GBF1: variants seen among roughly 807,000 people sequenced by gnomAD.
The protein encoded by GBF1 is Golgi-specific brefeldin A-resistance guanine nucleotide exchange factor 1.
A neutral mutation model predicts 210.5 loss-of-function variants in GBF1; 114 were observed. The ratio of observed to expected loss-of-function variants is 0.54; its 90% CI spans 0.47 to 0.63. The LOEUF (loss-of-function observed/expected upper bound fraction) is 0.63, where lower values mean the gene tolerates loss of function less well. GBF1 is among the 30% of genes least tolerant of loss of function. The probability of loss-of-function intolerance (pLI) is 0.00; values close to 1 mark genes in which losing one functional copy is unlikely to be tolerated. For synonymous variants in GBF1, 850 were observed against 889.2 expected, an observed-to-expected ratio of 0.96 and a Z score of 0.78; for missense variants, 1,851 against 2,357.7, an observed-to-expected ratio of 0.79 and a Z score of 4.45.
intron 3 of GBF1, among the ~76,000 whole-genome samples, chr10:102,314,308 C>G (rs34673678): frequency 0.09 from 13,610 of 151,124 alleles, 774 homozygotes; most frequent in Non-Finnish European, 0.12. Flanking sequence ...CCACACCTGG[C>G]TAATTTTTAA....
intron 3 of GBF1, among the ~76,000 whole-genome samples, chr10:102,286,209 T>G (rs1049820333): frequency 6.6e-5 from 10 of 151,924 alleles, no homozygotes; most frequent in African/African-American, 9.7e-5. Context: ...TTTTTTTTTT[T>G]TTTTTTTTCT....
At chr10:102,353,774 C>T in intron 8 of GBF1, 120 bp downstream of exon 8, 1 of 696,702 alleles carries the variant, frequency 1.4e-6, no homozygotes, top group Non-Finnish European at 2.6e-6. Context: ...TGCTTGGAAT[C>T]TAGAAGTAGC....
chr10:102,288,075 A>T (rs2076108592), intron 3 of GBF1, among the ~76,000 whole-genome samples: 1 of 152,192 alleles, frequency 6.6e-6, no homozygotes, highest in Non-Finnish European at 1.5e-5. Context: ...TCTCAGCCAT[A>T]AGCGCTAGTA....
upstream of GBF1, among the ~76,000 whole-genome samples, chr10:102,243,741 A>G (rs578039326): frequency 2.4e-4 from 36 of 152,206 alleles, no homozygotes; most frequent in South Asian, 7.3e-3. Flanking sequence ...TAGAGGCTAG[A>G]TCCTCAGCTG....
chr10:102,252,440 G>T (rs111496812), intron 1 of GBF1, among the ~76,000 whole-genome samples: 75 of 152,184 alleles, frequency 4.9e-4, no homozygotes, highest in African/African-American at 1.8e-3. Context: ...ATTGACTTTT[G>T]GATGGAATGA....
upstream of GBF1, among the ~76,000 whole-genome samples, chr10:102,243,990 T>A (rs2070627997): frequency 1.3e-5 from 2 of 151,834 alleles, no homozygotes; most frequent in South Asian, 4.2e-4. Context: ...ATTAGCCTGG[T>A]GTGGTGGCAG....
chr10:102,267,163 G>A (rs1358764691), intron 3 of GBF1, among the ~76,000 whole-genome samples: 1 of 152,194 alleles, frequency 6.6e-6, no homozygotes, highest in African/African-American at 2.4e-5. Flanking sequence ...GGGAGGTGTA[G>A]AGAAAAGAGA....
In GBF1 at chr10:102,363,225, A is replaced by G; in HGVS notation, c.1877-31A>G. 6.3e-7 allele frequency: 1 copy of G among 1,591,724 alleles called. No individual in the cohort carries two copies. On this transcript the variant is annotated intron_variant, in intron 15 of 39. Coordinates refer to ENST00000369983, the MANE Select transcript of GBF1 (RefSeq NM_001377137.1). The surrounding 1 kb of genome is among the most constrained non-coding windows in gnomAD (Gnocchi z 4.2). ...GCTCTGCTTGGCTTCATACCCTATA[A>G]GTCTTCACGTATCTTCTTCTCTCTT...
rs573901745 is a variant in GBF1 at position 102,329,752 on chromosome 10, C to T, written c.164-14299C>T. ...TGCTGGGATTACAGGTGTGAGCCAC[C>T]AAGCCCGGCCAAGTTTTAAATTTTT... On this transcript the variant is annotated intron_variant, in intron 3 of 39. Coordinates refer to ENST00000369983, the MANE Select transcript of GBF1 (RefSeq NM_001377137.1). Among the ~76,000 whole-genome samples the T allele has an allele frequency of 9.2e-4, 138 of 150,818 alleles. 1 individual carries two copies. Among genetic ancestry groups the T allele is most frequent in the African/African-American group, 2.9e-3 (120 of 41,144 alleles).
At chr10:102,315,275 C>T (rs1378769573) in intron 3 of GBF1, among the ~76,000 whole-genome samples, 5 of 152,164 alleles carry the variant, frequency 3.3e-5, no homozygotes, top group Admixed American at 2.0e-4. Context: ...GGAACTGGGC[C>T]GCACAGCAGG....
At chr10:102,368,475 G>T (rs2060027713) in intron 22 of GBF1, 21 bp downstream of exon 22, 9 of 1,301,056 alleles carry the variant, frequency 6.9e-6, no homozygotes, top group Non-Finnish European at 1.0e-5. Flanking sequence ...TTTGGCCTTG[G>T]TCTTCACCTC....
chr10:102,325,028 A>G (rs1462400558), intron 3 of GBF1, among the ~76,000 whole-genome samples: 1 of 152,276 alleles, frequency 6.6e-6, no homozygotes, highest in East Asian at 1.9e-4. Context: ...CACTCTACAT[A>G]TGATTATTTT....
intron 1 of GBF1, among the ~76,000 whole-genome samples, chr10:102,255,418 G>A (rs117596204): frequency 6.6e-6 from 1 of 152,082 alleles, no homozygotes; most frequent in African/African-American, 2.4e-5. Flanking sequence ...TTTCTAAAGG[G>A]CTTATTCATT....
chr10:102,350,799 T>C (rs2058908552), intron 4 of GBF1, among the ~76,000 whole-genome samples: 1 of 151,996 alleles, frequency 6.6e-6, no homozygotes, highest in African/African-American at 2.4e-5. Context: ...AAACCAGTTA[T>C]GGGGCCGGGT....
intron 3 of GBF1, among the ~76,000 whole-genome samples, chr10:102,306,310 C>A (rs544056268): frequency 6.6e-6 from 1 of 152,322 alleles, no homozygotes; most frequent in African/African-American, 2.4e-5. Context: ...GGTTTCTGAG[C>A]ATGGGAGTTC....
chr10:102,257,146 G>A (rs2072515344), intron 1 of GBF1, among the ~76,000 whole-genome samples: 1 of 152,184 alleles, frequency 6.6e-6, no homozygotes. Context: ...ATAAGTTTGG[G>A]TATATTAGCA....
intron 3 of GBF1, among the ~76,000 whole-genome samples, chr10:102,290,189 C>T (rs1015983349): frequency 1.3e-5 from 2 of 152,060 alleles, no homozygotes; most frequent in African/African-American, 4.8e-5. Context: ...AATCAGTATG[C>T]CTTATTATTA....
intron 9 of GBF1, 32 bp from the exon 10 acceptor site, chr10:102,358,474 C>T (rs1398541591): frequency 6.7e-7 from 1 of 1,488,724 alleles, no homozygotes; most frequent in Non-Finnish European, 9.4e-7. Flanking sequence ...CCTCTTTCTT[C>T]TCCTTCAAGC....
In GBF1 at chr10:102,366,368, T is replaced by C; in HGVS notation, c.2310-15T>C. On this transcript the variant is annotated splice_polypyrimidine_tract_variant and intron_variant, in intron 18 of 39. Transcript: ENST00000369983. The surrounding 1 kb of genome is among the most constrained non-coding windows in gnomAD (Gnocchi z 4.0). The stretch of plus-strand genomic sequence containing the variant: ...TTACACATTTTCAGCCTCTTCTTCC[T>C]TTCTTTCCCTATAGCACCTTCAGTT... 6.2e-7 allele frequency: 1 copy of C among 1,613,750 alleles called. No homozygotes were observed. The highest frequency in any genetic ancestry group is 8.5e-7 in the Non-Finnish European group (1 of 1,179,726).
Sources: gnomAD v4.1 joint callset for allele counts (sites outside exome capture counted in the v4.1 genomes callset) on GRCh38, gnomAD v4.1.1 for gene constraint, Gnocchi (gnomAD v3.1) non-coding constraint, MANE v1.5 for transcripts, NCBI Gene and HGNC (gene_info 2026-07-23, HGNC 2026-07-21) for gene names.